The following TPH2 variants were observed in gnomAD, a reference collection of about 807,000 sequenced individuals.
The protein encoded by TPH2 is tryptophan 5-hydroxylase 2.
Under a neutral mutation model 59.1 loss-of-function variants are expected in TPH2, and 27 were observed. The ratio of observed to expected loss-of-function variants is 0.46; its 90% confidence interval spans 0.34 to 0.63. The LOEUF (loss-of-function observed/expected upper bound fraction) is 0.63, where lower values mean the gene tolerates loss of function less well. Among genes scored for constraint, TPH2 ranks in the 30% least tolerant of loss-of-function variants. TPH2 has a pLI of 0.01. For synonymous variants in TPH2, 220 were observed against 210.5 expected, an observed-to-expected ratio of 1.05 and a Z score of -0.39; for missense variants, 523 against 588.3, an observed-to-expected ratio of 0.89 and a Z score of 1.15.
chr12:72,009,858 C>T (rs746287504), intron 8 of TPH2, among the ~76,000 whole-genome samples: 5 of 152,170 alleles, frequency 3.3e-5, no homozygotes, highest in Non-Finnish European at 5.9e-5. Flanking sequence ...AATGTTCAGT[C>T]ACTCTGGGGA....
At chr12:72,004,369 T>C (rs1311614472) in intron 8 of TPH2, among the ~76,000 whole-genome samples, 1 of 150,480 alleles carries the variant, frequency 6.6e-6, no homozygotes, top group Non-Finnish European at 1.5e-5. Context: ...TATGACATTA[T>C]CTATGTCATA....
chr12:71,968,990 G>A (rs1003486404), intron 5 of TPH2, among the ~76,000 whole-genome samples: 1 of 152,190 alleles, frequency 6.6e-6, no homozygotes, highest in African/African-American at 2.4e-5. Context: ...CCCATAGAAA[G>A]ATGCATAACG....
chr12:71,993,175 T>C (rs1872618786), intron 7 of TPH2, among the ~76,000 whole-genome samples: 1 of 152,226 alleles, frequency 6.6e-6, no homozygotes, highest in Admixed American at 6.5e-5. Flanking sequence ...GATTGAGTGA[T>C]TGAGTGATGC....
chr12:71,975,700 T>C (rs1872098991), intron 6 of TPH2, among the ~76,000 whole-genome samples: 1 of 152,198 alleles, frequency 6.6e-6, no homozygotes, highest in Non-Finnish European at 1.5e-5. Flanking sequence ...GAAGCCACCA[T>C]GATCTCTCCC....
At chr12:71,951,578 G>A (rs1208773289) in intron 5 of TPH2, among the ~76,000 whole-genome samples, 1 of 152,072 alleles carries the variant, frequency 6.6e-6, no homozygotes, top group Non-Finnish European at 1.5e-5. Context: ...AAACTCCTGG[G>A]CTCAAGTGAT....
chr12:71,994,298 T>A, intron 7 of TPH2, 141 bp from the exon 8 acceptor site: 1 of 855,688 alleles, frequency 1.2e-6, no homozygotes, highest in Non-Finnish European at 1.9e-6. Context: ...ATTAAAATGA[T>A]TAAGAAGTCC....
intron 7 of TPH2, among the ~76,000 whole-genome samples, chr12:71,986,538 G>T (rs1214914876): frequency 6.6e-6 from 1 of 151,606 alleles, no homozygotes; most frequent in Non-Finnish European, 1.5e-5. Context: ...AACCAAAATT[G>T]TGTCTAACTG....
chr12:72,016,818 G>T (rs534767739), intron 8 of TPH2, among the ~76,000 whole-genome samples: 1 of 152,292 alleles, frequency 6.6e-6, no homozygotes, highest in South Asian at 2.1e-4. Context: ...CCTGGAGGAA[G>T]TGAAAGAAGT....
intron 5 of TPH2, among the ~76,000 whole-genome samples, chr12:71,959,705 A>G (rs1308152287): frequency 2.6e-5 from 4 of 152,182 alleles, no homozygotes; most frequent in African/African-American, 9.6e-5. Flanking sequence ...CTATTTTTAG[A>G]TAGGCGAATC....
At chr12:72,026,910 A>C (rs1873583550) in intron 9 of TPH2, among the ~76,000 whole-genome samples, 1 of 152,230 alleles carries the variant, frequency 6.6e-6, no homozygotes, top group Non-Finnish European at 1.5e-5. Flanking sequence ...ATATACACAC[A>C]TAATGCATTT....
chr12:71,986,064 AG>A (rs1194265422), intron 7 of TPH2, among the ~76,000 whole-genome samples: 2 of 152,234 alleles, frequency 1.3e-5, no homozygotes, highest in African/African-American at 4.8e-5. Context: ...ACCTTCTCAA[AG>A]GGCAGTAATG....
intron 5 of TPH2, chr12:71,962,362 GT>G (rs1177479164): frequency 2.0e-6 from 2 of 985,336 alleles, no homozygotes; most frequent in Non-Finnish European, 2.4e-6. Flanking sequence ...ATTTAGTTAA[GT>G]TCGGACTTTT....
chr12:72,016,495 T>G (rs899651523), intron 8 of TPH2, among the ~76,000 whole-genome samples: 7 of 152,082 alleles, frequency 4.6e-5, no homozygotes, highest in African/African-American at 9.7e-5. Flanking sequence ...GGGAGTATCT[T>G]ATAAGTGAAG....
chr12:72,010,236 G>A (rs1873064497), intron 8 of TPH2, among the ~76,000 whole-genome samples: 1 of 152,168 alleles, frequency 6.6e-6, no homozygotes, highest in Admixed American at 6.5e-5. Context: ...TTGTGAACAT[G>A]ATGTAAAGTG....
chr12:71,993,718 C>T (rs1872631227), intron 7 of TPH2, among the ~76,000 whole-genome samples: 2 of 152,152 alleles, frequency 1.3e-5, no homozygotes, highest in African/African-American at 4.8e-5. Flanking sequence ...ACTGGAAAAG[C>T]AACTTTGATG....
At chr12:71,978,819 C>T in intron 6 of TPH2, 133 bp from the exon 7 acceptor site, 1 of 1,107,312 alleles carries the variant, frequency 9.0e-7, no homozygotes, top group East Asian at 2.4e-5. Flanking sequence ...GTATATGTCA[C>T]TCAGTTGTCA....
At chr12:71,993,571 A>C (rs1872627819) in intron 7 of TPH2, among the ~76,000 whole-genome samples, 1 of 152,214 alleles carries the variant, frequency 6.6e-6, no homozygotes, top group Non-Finnish European at 1.5e-5. Flanking sequence ...TCCTGGCTCC[A>C]AATGAAAGCT....
chr12:71,997,764 GGA>G (rs778203554), intron 8 of TPH2, among the ~76,000 whole-genome samples: 1 of 140,924 alleles, frequency 7.1e-6, no homozygotes, highest in Non-Finnish European at 1.6e-5. Context: ...AGGGACAGGG[GGA>G]AAAAAAGAGG....
At chr12:71,954,622 A>G (rs1326968069) in intron 5 of TPH2, among the ~76,000 whole-genome samples, 1 of 152,182 alleles carries the variant, frequency 6.6e-6, no homozygotes, top group Admixed American at 6.5e-5. Flanking sequence ...AGTAGTTGTT[A>G]GGTTTGTCTG....
Sources: gnomAD v4.1 joint callset for allele counts (sites outside exome capture counted in the v4.1 genomes callset) on GRCh38, gnomAD v4.1.1 for gene constraint, MANE v1.5 for transcripts, NCBI Gene and HGNC (gene_info 2026-07-23, HGNC 2026-07-21) for gene names.